CSGALNACT1: variants seen among roughly 807,000 people sequenced by gnomAD.
The protein encoded by CSGALNACT1 is chondroitin sulfate N-acetylgalactosaminyltransferase 1, also known as beta4GalNAcT-1.
A neutral mutation model predicts 51.0 loss-of-function variants in CSGALNACT1; 52 were observed. The ratio of observed to expected loss-of-function variants is 1.02; its 90% CI spans 0.82 to 1.29. The LOEUF is 1.29. Among genes scored for constraint, CSGALNACT1 ranks in the 50% most tolerant of loss-of-function variants. The probability of loss-of-function intolerance (pLI) is 0.00; values close to 1 mark genes in which losing one functional copy is unlikely to be tolerated. For missense variants in CSGALNACT1, 935 were observed against 679.2 expected, an observed-to-expected ratio of 1.38 and a Z score of -4.19; for synonymous variants, 341 against 254.4, an observed-to-expected ratio of 1.34 and a Z score of -3.24.
Position 19,623,992 on chromosome 8 carries a change from C to T in CSGALNACT1, c.-543-22127G>A, listed in dbSNP as rs964516897. ...GGCGAAATATTTTAGATCCGGTCCC[C>T]GGGCAGCTACTCCATGGAACACAAG... On this transcript the variant is annotated intron_variant, in intron 1 of 9. Coordinates refer to the CSGALNACT1 transcript ENST00000332246. Among the ~76,000 whole-genome samples the T allele has an allele frequency of 2.6e-5, 4 of 152,336 alleles. No homozygotes were observed. The East Asian group carries it at 5.8e-4, about 22-fold the overall frequency.
intron 1 of CSGALNACT1, among the ~76,000 whole-genome samples, chr8:19,632,776 G>C (rs924010432): frequency 6.6e-6 from 1 of 151,994 alleles, no homozygotes; most frequent in Non-Finnish European, 1.5e-5. Context: ...ACTTTTATTT[G>C]ACACAATCAC....
In CSGALNACT1 at chr8:19,408,468, CTTTTTTTTTTTTT is replaced by C. The variant is rs1186216767; in HGVS notation, c.1309+132_1309+144del. On this transcript the variant is annotated intron_variant, in intron 9 of 9. Transcript: ENST00000454498. ...AGCCACCGCACCTAGTCTGGAATAG[CTTTTTTTTTTTTT>C]TTTTTTTTTTTTTTTTGAAGGCAAT... The C allele has an allele frequency of 5.3e-4, 251 of 469,342 alleles. 2 individuals are homozygous for C. Among genetic ancestry groups the C allele is most frequent in the African/African-American group, 2.2e-3 (63 of 28,356 alleles). 29.1% of individuals were successfully genotyped at this position (469,342 alleles called of 1,614,324 possible).
intron 1 of CSGALNACT1, among the ~76,000 whole-genome samples, chr8:19,635,556 A>C (rs2055928161): frequency 6.6e-6 from 1 of 152,072 alleles, no homozygotes; most frequent in Non-Finnish European, 1.5e-5. Flanking sequence ...CCTTGTCTGT[A>C]GTCTCACCAG....
intron 3 of CSGALNACT1, among the ~76,000 whole-genome samples, chr8:19,520,233 T>A (rs780196547): frequency 1.3e-5 from 2 of 152,200 alleles, no homozygotes; most frequent in Non-Finnish European, 2.9e-5. Context: ...AGAAACTCCA[T>A]GAAGCTACAT....
intron 1 of CSGALNACT1, among the ~76,000 whole-genome samples, chr8:19,666,409 T>C (rs1413662293): frequency 6.6e-6 from 1 of 152,110 alleles, no homozygotes; most frequent in Non-Finnish European, 1.5e-5. Flanking sequence ...ATTAACATTT[T>C]CTCAGCCAGG....
At chr8:19,572,239 A>G (rs748997088) in intron 3 of CSGALNACT1, among the ~76,000 whole-genome samples, 1 of 152,206 alleles carries the variant, frequency 6.6e-6, no homozygotes, top group Non-Finnish European at 1.5e-5. Context: ...GAAGATTTAC[A>G]TGTTTATCTA....
At chr8:19,462,612 G>C (rs1312800584) in intron 4 of CSGALNACT1, among the ~76,000 whole-genome samples, 1 of 152,118 alleles carries the variant, frequency 6.6e-6, no homozygotes, top group Non-Finnish European at 1.5e-5. Context: ...GTGGTTCCAG[G>C]TATGGCACAC....
chr8:19,755,479 A>AAAAAAAC (rs2065308411), intron 1 of CSGALNACT1, among the ~76,000 whole-genome samples: 1 of 148,082 alleles, frequency 6.8e-6, no homozygotes, highest in Non-Finnish European at 1.5e-5. Flanking sequence ...AAAAAAAAAA[A>AAAAAAAC]AAGACAACAT....
At chr8:19,406,652 A>C (rs1203823486) in intron 9 of CSGALNACT1, among the ~76,000 whole-genome samples, 1 of 124,448 alleles carries the variant, frequency 8.0e-6, no homozygotes, top group African/African-American at 2.9e-5. Flanking sequence ...AAAAAAAAAG[A>C]GCTTCTACAC....
At chr8:19,632,739 G>A (rs1436257844) in intron 1 of CSGALNACT1, among the ~76,000 whole-genome samples, 1 of 152,056 alleles carries the variant, frequency 6.6e-6, no homozygotes, top group Non-Finnish European at 1.5e-5. Flanking sequence ...AACCTAAGCA[G>A]AGTGAGTACA....
intron 1 of CSGALNACT1, among the ~76,000 whole-genome samples, chr8:19,680,954 G>T (rs2060572117): frequency 6.6e-6 from 1 of 152,076 alleles, no homozygotes; most frequent in Non-Finnish European, 1.5e-5. Context: ...AGTTGTATAT[G>T]TGGTCCCTTG....
intron 1 of CSGALNACT1, among the ~76,000 whole-genome samples, chr8:19,665,974 G>A (rs887289731): frequency 6.6e-6 from 1 of 151,988 alleles, no homozygotes; most frequent in African/African-American, 2.4e-5. Context: ...CTTTTTTCTA[G>A]TTGAAGATTC....
chr8:19,607,056 G>A (rs575169358), upstream of CSGALNACT1, among the ~76,000 whole-genome samples: 1 of 152,134 alleles, frequency 6.6e-6, no homozygotes, highest in South Asian at 2.1e-4. Context: ...TCTGGAGGCT[G>A]AGGCAGGAGA....
chr8:19,566,052 G>A (rs920555507), intron 3 of CSGALNACT1, among the ~76,000 whole-genome samples: 1 of 152,226 alleles, frequency 6.6e-6, no homozygotes, highest in Non-Finnish European at 1.5e-5. Context: ...CGAAAAAGAT[G>A]TATCTGTCTC....
rs114974550 is a variant in CSGALNACT1, at chr8:19,623,983, T to A, written c.-543-22118A>T. Among the ~76,000 whole-genome samples, 1,438 of 152,322 alleles carry A rather than the reference T, an allele frequency of 9.4e-3. 20 individuals carry two copies. The highest frequency in any genetic ancestry group is 0.032 in the African/African-American group (1,342 of 41,574). The stretch of plus-strand genomic sequence containing the variant: ...GAGGCAAATGGCGAAATATTTTAGA[T>A]CCGGTCCCCGGGCAGCTACTCCATG... On this transcript the variant is annotated intron_variant, in intron 1 of 9. Transcript: ENST00000332246.
chr8:19,466,531 G>C (rs774216816), intron 4 of CSGALNACT1, among the ~76,000 whole-genome samples: 1 of 152,008 alleles, frequency 6.6e-6, no homozygotes, highest in Non-Finnish European at 1.5e-5. Flanking sequence ...ATACTATTTT[G>C]TTGTCTCACT....
intron 1 of CSGALNACT1, among the ~76,000 whole-genome samples, chr8:19,644,235 T>A (rs2057029837): frequency 6.6e-6 from 1 of 152,080 alleles, no homozygotes; most frequent in Admixed American, 6.5e-5. Flanking sequence ...TTAATAGTGA[T>A]CATCATTGTA....
At chr8:19,535,564 T>C (rs1359741348) in intron 3 of CSGALNACT1, among the ~76,000 whole-genome samples, 1 of 152,200 alleles carries the variant, frequency 6.6e-6, no homozygotes, top group Non-Finnish European at 1.5e-5. Flanking sequence ...AAACTTTGAA[T>C]ATTTAAAATC....
intron 4 of CSGALNACT1, among the ~76,000 whole-genome samples, chr8:19,499,578 G>A (rs1322307268): frequency 6.6e-6 from 1 of 152,170 alleles, no homozygotes; most frequent in Non-Finnish European, 1.5e-5. Flanking sequence ...GCCAGCTTCT[G>A]CAATTGCAAC....
Sources: allele counts gnomAD v4.1 joint callset (sites outside exome capture counted in the v4.1 genomes callset), GRCh38; gene constraint gnomAD v4.1.1; transcripts MANE v1.5; gene names NCBI Gene and HGNC (gene_info 2026-07-23, HGNC 2026-07-21).